Variants in DNMT3A observed in about 807,000 individuals in gnomAD.
DNMT3A encodes DNA methyltransferase 3 alpha.
Under a neutral mutation model 117.6 loss-of-function variants are expected in DNMT3A, and 267 were observed. That is an observed-to-expected ratio of 2.27 (90% CI 2.05 to 2.51). DNMT3A has a LOEUF of 2.51. Among genes scored for constraint, DNMT3A ranks in the 30% most tolerant of loss-of-function variants. The probability of loss-of-function intolerance (pLI) is 0.00; values close to 1 mark genes in which losing one functional copy is unlikely to be tolerated. For synonymous variants in DNMT3A, 432 were observed against 474.8 expected (o/e 0.91, Z 1.17); for missense variants, 1,029 against 1,260.2 (o/e 0.82, Z 2.78).
chr2:25,312,180 G>A (rs886878738), intron 2 of DNMT3A, among the ~76,000 whole-genome samples: 1 of 152,220 alleles, frequency 6.6e-6, no homozygotes, highest in African/African-American at 2.4e-5. Flanking sequence ...CCAAGAAGGG[G>A]AGGGAGTCAG....
At chr2:25,278,104 G>A (rs574299859) in intron 4 of DNMT3A, among the ~76,000 whole-genome samples, 198 of 152,206 alleles carry the variant, frequency 1.3e-3, no homozygotes, top group Non-Finnish European at 2.2e-3. Context: ...GAGTCAGGGA[G>A]GGTCAGCTGC....
At position 25,240,247 on chromosome 2, in the gene DNMT3A, C is replaced by T. The variant is rs543729195; in HGVS notation, c.2322+55G>A. On this transcript the variant is annotated intron_variant, in intron 19 of 22. Transcript: ENST00000321117. ...ATGCAGATGAGACAGGATGAAGCAG[C>T]AGTCCAAGGTAGAAGCCATTAGTGA... 4.8e-4 allele frequency: 765 copies of T among 1,609,296 alleles called. 2 individuals carry two copies. Among genetic ancestry groups the T allele is most frequent in the Non-Finnish European group, 5.7e-4 (675 of 1,177,614 alleles).
chr2:25,259,285 A>C (rs552525625), intron 6 of DNMT3A, among the ~76,000 whole-genome samples: 1 of 152,336 alleles, frequency 6.6e-6, no homozygotes, highest in South Asian at 2.1e-4. Flanking sequence ...GTCTGGGGCC[A>C]GGGAGCAGAG....
chr2:25,288,712 T>G (rs1310177710), intron 3 of DNMT3A, among the ~76,000 whole-genome samples: 2 of 152,256 alleles, frequency 1.3e-5, no homozygotes, highest in African/African-American at 4.8e-5. Context: ...CTCATGGTTA[T>G]ACAACCTTTA....
At chr2:25,341,273 G>A (rs1044893001) in intron 1 of DNMT3A, among the ~76,000 whole-genome samples, 4 of 144,402 alleles carry the variant, frequency 2.8e-5, no homozygotes, top group African/African-American at 9.9e-5. Context: ...CCGCCGCGGA[G>A]CCTGCGCGGG....
chr2:25,246,777 C>G lies in DNMT3A; in HGVS notation c.1123-1G>C. 2 of 1,613,060 alleles carry G rather than the reference C, an allele frequency of 1.2e-6. No individual in the cohort carries two copies. The highest frequency in any genetic ancestry group is 1.7e-6 in the Non-Finnish European group (2 of 1,179,894). ...GCTTCCCCGCGCGGCTGCTGGCCAC[C>G]TGGAGGGTGACACGCCAGGGTTGGG... On this transcript the variant is annotated splice_acceptor_variant, in intron 9 of 22. Coordinates refer to ENST00000321117, the MANE Select transcript of DNMT3A (RefSeq NM_022552.5). LOFTEE classifies it high-confidence loss of function.
chr2:25,328,512 T>C (rs1349768965), intron 1 of DNMT3A: 3 of 404,262 alleles, frequency 7.4e-6, no homozygotes, highest in African/African-American at 2.0e-5. Context: ...GAGTGTTCCA[T>C]GCGTATATAG....
At chr2:25,297,456 G>C (rs914421125) in intron 3 of DNMT3A, among the ~76,000 whole-genome samples, 1 of 151,920 alleles carries the variant, frequency 6.6e-6, no homozygotes, top group African/African-American at 2.4e-5. Flanking sequence ...CAGCCTGGTG[G>C]ACACTGGGCC....
Position 25,298,297 on chromosome 2 carries a change from C to T in DNMT3A, c.177+1842G>A, listed in dbSNP as rs1023550279. On this transcript the variant is annotated intron_variant, in intron 3 of 22. Transcript: ENST00000321117. The surrounding 1 kb of genome is among the most constrained non-coding windows in gnomAD (Gnocchi z 4.3). The stretch of plus-strand genomic sequence containing the variant: ...GACTGCCGGCCCCTCTCCCCTCACT[C>T]GGCTGTGCCCCTCTTCTCTGTCATT... 4.6e-5 allele frequency among the ~76,000 whole-genome samples: 7 copies of T among 152,150 alleles called. No individual in the cohort carries two copies. Among genetic ancestry groups the T allele is most frequent in the African/African-American group, 1.2e-4 (5 of 41,438 alleles).
At chr2:25,308,447 A>G (rs564782478) in intron 2 of DNMT3A, among the ~76,000 whole-genome samples, 1 of 152,228 alleles carries the variant, frequency 6.6e-6, no homozygotes, top group Admixed American at 6.5e-5. Context: ...ACATGTAATA[A>G]TGTCCAATTT....
intron 1 of DNMT3A, among the ~76,000 whole-genome samples, chr2:25,315,372 T>A (rs2034329762): frequency 6.6e-6 from 1 of 152,090 alleles, no homozygotes; most frequent in African/African-American, 2.4e-5. Flanking sequence ...AGGAGGAGCT[T>A]CTTAGGGCCA....
chr2:25,264,364 TC>T (rs1423532840), intron 6 of DNMT3A, among the ~76,000 whole-genome samples: 1 of 152,024 alleles, frequency 6.6e-6, no homozygotes, highest in African/African-American at 2.4e-5. Context: ...GGTCTCGAAT[TC>T]CTGGCCTCAA....
chr2:25,288,276 T>C (rs1043296522), intron 3 of DNMT3A, among the ~76,000 whole-genome samples: 1 of 151,322 alleles, frequency 6.6e-6, no homozygotes, highest in Non-Finnish European at 1.5e-5. Flanking sequence ...CTACTAAAAA[T>C]ACAAAAAATT....
chr2:25,314,387 T>A (rs1282843367), intron 1 of DNMT3A: 1 of 985,214 alleles, frequency 1.0e-6, no homozygotes, highest in Non-Finnish European at 1.2e-6. Context: ...CCCCTCCGTG[T>A]CGCTGCGGCC....
intron 6 of DNMT3A, among the ~76,000 whole-genome samples, chr2:25,256,428 T>A (rs923850988): frequency 2.0e-5 from 3 of 152,200 alleles, no homozygotes; most frequent in Non-Finnish European, 4.4e-5. Context: ...AGTCCGCCAG[T>A]GACCTCCACC....
In DNMT3A at chr2:25,254,538, T is replaced by TA. The variant is rs1675952738; in HGVS notation, c.640-6287dup. ...GTTCCAACCCATCTTTCAACCCAAC[T>TA]AAGGTATTTGCCTGGTACACATTTC... On this transcript the variant is annotated intron_variant, in intron 6 of 22. Coordinates refer to ENST00000321117, the MANE Select transcript of DNMT3A (RefSeq NM_022552.5). The surrounding 1 kb of genome is among the most constrained non-coding windows in gnomAD (Gnocchi z 4.7). Among the ~76,000 whole-genome samples the TA allele has an allele frequency of 6.6e-6, 1 of 152,022 alleles. No individual in the cohort carries two copies. Among genetic ancestry groups the TA allele is most frequent in the Non-Finnish European group, 1.5e-5 (1 of 68,016 alleles).
At position 25,252,127 on chromosome 2, in the gene DNMT3A, A is replaced by C; in HGVS notation, c.640-3875T>G. 2 of 1,531,458 alleles carry C rather than the reference A, an allele frequency of 1.3e-6. No individual in the cohort carries two copies. Among genetic ancestry groups the C allele is most frequent in the Non-Finnish European group, 1.8e-6 (2 of 1,136,168 alleles). The allele number at this position is 1,531,458 out of a possible 1,614,324, so 94.9% of individuals were successfully genotyped here. On this transcript the variant is annotated intron_variant, in intron 6 of 22. Coordinates refer to ENST00000321117, the MANE Select transcript of DNMT3A (RefSeq NM_022552.5). This position sits in a 1 kb window ranked among gnomAD's most constrained non-coding sequence, Gnocchi z 5.5. ...TCTTTTCAAACCCGGAGGGCTGCGG[A>C]GATCCTCCCACCGGCCCTGCCGCCT...
intron 6 of DNMT3A, among the ~76,000 whole-genome samples, chr2:25,273,828 C>T (rs1384033916): frequency 6.6e-6 from 1 of 152,202 alleles, no homozygotes; most frequent in African/African-American, 2.4e-5. Context: ...GGCAGCCACC[C>T]TCTGGGAAAA....
chr2:25,242,867 G>A (rs956479849), intron 16 of DNMT3A, among the ~76,000 whole-genome samples: 1 of 151,972 alleles, frequency 6.6e-6, no homozygotes, highest in Non-Finnish European at 1.5e-5. Flanking sequence ...AGGAGGGAAT[G>A]GTTCAAGTAT....
Sources: gnomAD v4.1 joint callset for allele counts (sites outside exome capture counted in the v4.1 genomes callset) on GRCh38, gnomAD v4.1.1 for gene constraint, Gnocchi (gnomAD v3.1) non-coding constraint, MANE v1.5 for transcripts, NCBI Gene and HGNC (gene_info 2026-07-23, HGNC 2026-07-21) for gene names.